Variants in TAC4 observed in about 807,000 individuals in gnomAD.
TAC4 encodes tachykinin-4.
Under a neutral mutation model 17.7 loss-of-function variants are expected in TAC4, and 17 were observed. The ratio of observed to expected loss-of-function variants is 0.96; its 90% CI spans 0.66 to 1.44. The LOEUF (loss-of-function observed/expected upper bound fraction) is 1.44. Among genes scored for constraint, TAC4 ranks in the 40% most tolerant of loss-of-function variants. The probability of loss-of-function intolerance (pLI) is 0.00; values close to 1 mark genes in which losing one functional copy is unlikely to be tolerated. For synonymous variants in TAC4, 62 were observed against 52.4 expected, an observed-to-expected ratio of 1.18 and a Z score of -0.79; for missense variants, 118 against 125.6, an observed-to-expected ratio of 0.94 and a Z score of 0.29.
At position 49,838,314 on chromosome 17, in the gene TAC4, A is replaced by G. The variant is rs1429687145; in HGVS notation, c.*328T>C. 7 of 410,008 alleles carry G rather than the reference A, an allele frequency of 1.7e-5. No individual in the cohort carries two copies. Among genetic ancestry groups the G allele is most frequent in the Non-Finnish European group, 3.1e-5 (7 of 229,288 alleles). The allele number at this position is 410,008 out of a possible 1,614,324, so 25.4% of individuals were successfully genotyped here. A position where few individuals can be genotyped will look rare whatever the true frequency, so the allele number is the denominator to read the frequency against. On this transcript the variant is annotated 3_prime_UTR_variant, in exon 5 of 5. Coordinates refer to ENST00000436235, the MANE Select transcript of TAC4 (RefSeq NM_001077506.2). ...AGAAGGAGCCATTCACTGGTCACTC[A>G]TTTATTGAGTGCCTACTGTGTGCTA...
At chr17:49,844,218 C>A (rs902445508) in intron 1 of TAC4, 61 bp from the exon 2 acceptor site, 2 of 1,534,828 alleles carry the variant, frequency 1.3e-6, no homozygotes, top group African/African-American at 2.7e-5. Context: ...GGAGGCCAGC[C>A]TGGGCAATGG....
chr17:49,847,526 TTC>T (rs2074551878), intron 1 of TAC4: 1 of 342,788 alleles, frequency 2.9e-6, no homozygotes, highest in South Asian at 2.4e-5. Flanking sequence ...ACTACTTGAC[TTC>T]TCTGTGCCTC....
chr17:49,839,038 A>G (rs2074477858), intron 4 of TAC4, among the ~76,000 whole-genome samples: 2 of 152,180 alleles, frequency 1.3e-5, no homozygotes, highest in Non-Finnish European at 2.9e-5. Context: ...CCATCTCTGA[A>G]AAATGATGAC....
chr17:49,846,103 G>A (rs907228904), intron 1 of TAC4: 1 of 750,080 alleles, frequency 1.3e-6, no homozygotes, highest in Non-Finnish European at 1.9e-6. Flanking sequence ...GTGCCTGGTG[G>A]GGGGGCATTC....
At position 49,846,929 on chromosome 17, in the gene TAC4, C is replaced by G; in HGVS notation, c.105+984G>C. The G allele has an allele frequency of 3.9e-6, 5 of 1,279,186 alleles. No individual in the cohort carries two copies. Among genetic ancestry groups the G allele is most frequent in the Non-Finnish European group, 5.1e-6 (5 of 983,082 alleles). The allele number at this position is 1,279,186 out of a possible 1,614,324, so 79.2% of individuals were successfully genotyped here. A position where few individuals can be genotyped will look rare whatever the true frequency, so the allele number is the denominator to read the frequency against. ...GGGGTCACTTCCCTCCTCCGTTTTG[C>G]AGGTGAGGAAACTGATGTCCAGAAA... On this transcript the variant is annotated intron_variant, in intron 1 of 4. Coordinates refer to ENST00000436235, the MANE Select transcript of TAC4 (RefSeq NM_001077506.2).
chr17:49,843,943 A>T (rs1360132878), intron 2 of TAC4, 121 bp downstream of exon 2: 3 of 817,272 alleles, frequency 3.7e-6, no homozygotes, highest in Non-Finnish European at 6.3e-6. Flanking sequence ...CTCATGAGCG[A>T]CCCCTACTGG....
Position 49,847,996 on chromosome 17 carries a change from G to C in TAC4, c.22C>G (p.Leu8Val). The C allele has an allele frequency of 6.2e-7, 1 of 1,614,198 alleles. No individual in the cohort carries two copies. The highest frequency in any genetic ancestry group is 1.3e-5 in the African/African-American group (1 of 75,064). Reference protein sequence around the residue: MLPCLALLLLMELSVCTV... With the variant: MLPCLALVLLMELSVCTV... Reference sequence around the variant, plus strand: ...CACACGGACAGCTCCATCAGGAGAAGCAGGGCGAGGCAAGGCAGCATGGTG... The same window carrying C: ...CACACGGACAGCTCCATCAGGAGAACCAGGGCGAGGCAAGGCAGCATGGTG... The change falls in exon 1 of 5, where the codon CTT becomes GTT. Residue 8 changes from leucine (L) to valine (V), a missense_variant. Coordinates refer to ENST00000436235, the MANE Select transcript of TAC4 (RefSeq NM_001077506.2).
Position 49,838,789 on chromosome 17 carries a change from C to T in TAC4, c.293-116G>A, listed in dbSNP as rs542809429. 56 of 1,007,776 alleles carry T rather than the reference C, an allele frequency of 5.6e-5. 1 individual carries two copies. In the South Asian group the frequency reaches 8.5e-4, roughly 15 times the overall value. The allele number at this position is 1,007,776 out of a possible 1,614,324, so 62.4% of individuals were successfully genotyped here. On this transcript the variant is annotated intron_variant, in intron 4 of 4. Transcript: ENST00000436235. ...CCTTCATCTTCCTAACCCCTCTCTC[C>T]TTTCTGGAGATATCTAGGGCAATGG...
chr17:49,847,837 T>G (rs764243873), intron 1 of TAC4, 76 bp downstream of exon 1: 2 of 1,609,674 alleles, frequency 1.2e-6, no homozygotes, highest in Non-Finnish European at 1.7e-6. Flanking sequence ...CAGGGGATCT[T>G]CTGCCTCTGC....
intron 3 of TAC4, among the ~76,000 whole-genome samples, chr17:49,840,429 G>A (rs1366240694): frequency 2.6e-5 from 4 of 152,210 alleles, no homozygotes; most frequent in Non-Finnish European, 5.9e-5. Flanking sequence ...TGAAGGATGC[G>A]GTGAGTCGCA....
At chr17:49,847,838 C>G (rs1423179043) in intron 1 of TAC4, 75 bp downstream of exon 1, 4 of 1,610,728 alleles carry the variant, frequency 2.5e-6, no homozygotes, top group Non-Finnish European at 3.4e-6. Flanking sequence ...AGGGGATCTT[C>G]TGCCTCTGCA....
At chr17:49,841,244 CTTTTTT>C (rs745671170) in intron 3 of TAC4, among the ~76,000 whole-genome samples, 3,140 of 110,344 alleles carry the variant, frequency 0.028, 116 homozygotes, top group African/African-American at 0.099. Context: ...TAGTGGTTGA[CTTTTTT>C]TTTTTTTTTT....
intron 1 of TAC4, chr17:49,847,694 C>CACAG (rs2074555027): frequency 1.2e-5 from 2 of 166,612 alleles, no homozygotes; most frequent in African/African-American, 1.4e-4. Context: ...CACACACAGA[C>CACAG]ACACACACAC....
intron 1 of TAC4, chr17:49,847,220 T>C (rs2074549195): frequency 7.8e-7 from 1 of 1,290,246 alleles, no homozygotes; most frequent in Non-Finnish European, 1.0e-6. Context: ...AAGCCTTCCC[T>C]GAGCACTGGC....
intron 1 of TAC4, chr17:49,847,201 C>T (rs1449323169): frequency 1.6e-6 from 2 of 1,290,156 alleles, no homozygotes; most frequent in African/African-American, 1.5e-5. Flanking sequence ...GTCCTGTCTG[C>T]CCCCCTGGAA....
At chr17:49,840,213 G>T (rs897312611) in intron 3 of TAC4, among the ~76,000 whole-genome samples, 1 of 152,222 alleles carries the variant, frequency 6.6e-6, no homozygotes, top group African/African-American at 2.4e-5. Context: ...ATACAGAGGC[G>T]ACAGCAGACC....
At chr17:49,841,878 G>A (rs1035719990) in intron 2 of TAC4, among the ~76,000 whole-genome samples, 2 of 151,422 alleles carry the variant, frequency 1.3e-5, no homozygotes, top group Non-Finnish European at 2.9e-5. Context: ...GTGATAAGGG[G>A]GATATTATTG....
Position 49,847,906 on chromosome 17 carries a change from C to T in TAC4, c.105+7G>A, listed in dbSNP as rs756341938. On this transcript the variant is annotated splice_region_variant and intron_variant, in intron 1 of 4. Coordinates refer to ENST00000436235, the MANE Select transcript of TAC4 (RefSeq NM_001077506.2). ...CTCCCCAAAAGTACCTCCAAGGCCACAATTACCCAGGTCTCTGCTTCAGTG... is the reference window on the plus strand; with the variant it reads ...CTCCCCAAAAGTACCTCCAAGGCCATAATTACCCAGGTCTCTGCTTCAGTG... 5.0e-6 allele frequency: 8 copies of T among 1,613,968 alleles called. No homozygotes were observed. The highest frequency in any genetic ancestry group is 6.8e-6 in the Non-Finnish European group (8 of 1,179,990).
In TAC4 at chr17:49,846,980, C is replaced by A. The variant is rs530025843; in HGVS notation, c.105+933G>T. 5 of 1,289,908 alleles carry A rather than the reference C, an allele frequency of 3.9e-6. No individual in the cohort carries two copies. The African/African-American group carries it at 7.6e-5, about 20-fold the overall frequency. The allele number at this position is 1,289,908 out of a possible 1,614,324, so 79.9% of individuals were successfully genotyped here. A position where few individuals can be genotyped will look rare whatever the true frequency, so the allele number is the denominator to read the frequency against. On this transcript the variant is annotated intron_variant, in intron 1 of 4. Transcript: ENST00000436235. ...GAAGCAGGCATCAGTGGAGACACTC[C>A]TAGCCCTGCTGCCCTCTCCTCACTG...
Sources: allele counts gnomAD v4.1 joint callset (sites outside exome capture counted in the v4.1 genomes callset), GRCh38; gene constraint gnomAD v4.1.1; transcripts MANE v1.5; gene names NCBI Gene and HGNC (gene_info 2026-07-23, HGNC 2026-07-21).